Variants in CDH22 observed in about 807,000 individuals in gnomAD.
The protein encoded by CDH22 is cadherin-22.
Under a neutral mutation model 58.4 loss-of-function variants are expected in CDH22, and 30 were observed. The observed-to-expected ratio is 0.51, with a 90% CI of 0.38 to 0.70. The LOEUF (loss-of-function observed/expected upper bound fraction) is 0.70. CDH22 is among the 30% of genes least tolerant of loss of function. The probability of loss-of-function intolerance (pLI) is 0.00; values close to 1 mark genes in which losing one functional copy is unlikely to be tolerated. For synonymous variants in CDH22, 513 were observed against 558.2 expected, an observed-to-expected ratio of 0.92 and a Z score of 1.14; for missense variants, 1,014 against 1,233.9, an observed-to-expected ratio of 0.82 and a Z score of 2.67.
chr20:46,197,974 G>A (rs1456411166), intron 8 of CDH22, among the ~76,000 whole-genome samples: 3 of 152,222 alleles, frequency 2.0e-5, no homozygotes, highest in Non-Finnish European at 4.4e-5. Context: ...GGGCAGAGGC[G>A]AGTTTGAATG....
intron 8 of CDH22, among the ~76,000 whole-genome samples, chr20:46,197,558 C>T (rs1208434285): frequency 6.6e-6 from 1 of 152,002 alleles, no homozygotes; most frequent in African/African-American, 2.4e-5. Context: ...AGGAGGCATC[C>T]CTGCCCAGCA....
At chr20:46,278,350 C>T (rs3746815) in intron 1 of CDH22, among the ~76,000 whole-genome samples, 46,764 of 152,046 alleles carry the variant, frequency 0.31, 7,347 homozygotes, top group East Asian at 0.43. Context: ...GAGTCCTCCC[C>T]ACCTCTGCCC....
intron 3 of CDH22, among the ~76,000 whole-genome samples, chr20:46,233,982 G>A (rs1427650153): frequency 2.0e-5 from 3 of 152,224 alleles, no homozygotes; most frequent in South Asian, 2.1e-4. Flanking sequence ...AGCTACAGAC[G>A]GGACAATTGG....
At chr20:46,194,735 T>C (rs543287749) in intron 8 of CDH22, among the ~76,000 whole-genome samples, 2 of 152,204 alleles carry the variant, frequency 1.3e-5, no homozygotes, top group African/African-American at 4.8e-5. Flanking sequence ...GCTATTATTA[T>C]TAATTATTTT....
intron 1 of CDH22, among the ~76,000 whole-genome samples, chr20:46,268,936 C>T (rs2086474706): frequency 6.6e-6 from 1 of 152,230 alleles, no homozygotes; most frequent in Admixed American, 6.5e-5. Flanking sequence ...TCCCCAGCTG[C>T]TGCTTTTGGA....
chr20:46,174,532 C>T lies in CDH22; in HGVS notation c.2461G>A (p.Gly821Arg). The part of the protein sequence containing the change: ...PLAALYAGHR[G>R]DDEAQAS ...TAGGAGGCCTGGGCCTCGTCGTCCCCGCGGTGGCCGGCGTAGAGCGCGGCC... is the reference window on the plus strand; with the variant it reads ...TAGGAGGCCTGGGCCTCGTCGTCCCTGCGGTGGCCGGCGTAGAGCGCGGCC... Residue 821 changes from glycine to arginine, a missense_variant, in exon 12 of 12, where the codon GGG (glycine) becomes AGG (arginine). Physicochemically the swap from Gly to Arg is moderately radical, Grantham distance 125 (BLOSUM62 -2). Coordinates refer to ENST00000537909, the MANE Select transcript of CDH22 (RefSeq NM_021248.3). The surrounding 1 kb of genome is among the most constrained non-coding windows in gnomAD (Gnocchi z 4.4). 6.6e-7 allele frequency: 1 copy of T among 1,517,774 alleles called. No individual in the cohort carries two copies. Among genetic ancestry groups the T allele is most frequent in the Non-Finnish European group, 8.8e-7 (1 of 1,139,182 alleles). The allele number at this position is 1,517,774 out of a possible 1,614,324, so 94.0% of individuals were successfully genotyped here.
intron 1 of CDH22, among the ~76,000 whole-genome samples, chr20:46,290,897 C>A (rs1391750209): frequency 6.6e-6 from 1 of 152,150 alleles, no homozygotes. Context: ...AGTCAGAGAG[C>A]TGCAGAGAGA....
At chr20:46,219,431 C>G (rs1041611168) in intron 4 of CDH22, among the ~76,000 whole-genome samples, 1 of 152,218 alleles carries the variant, frequency 6.6e-6, no homozygotes, top group Non-Finnish European at 1.5e-5. Context: ...ACTTAAATGA[C>G]AGGATTTCTC....
At chr20:46,189,315 T>G (rs1390401408) in intron 8 of CDH22, among the ~76,000 whole-genome samples, 1 of 152,004 alleles carries the variant, frequency 6.6e-6, no homozygotes, top group Non-Finnish European at 1.5e-5. Flanking sequence ...TTTTTAAGAG[T>G]GCGTTGCCGG....
intron 8 of CDH22, among the ~76,000 whole-genome samples, chr20:46,189,002 G>A (rs939391123): frequency 5.9e-5 from 9 of 152,144 alleles, no homozygotes; most frequent in African/African-American, 1.7e-4. Context: ...GGGACTGGTC[G>A]GCTGCCTCCT....
intron 1 of CDH22, among the ~76,000 whole-genome samples, chr20:46,293,344 T>C (rs1412631690): frequency 6.6e-6 from 1 of 152,180 alleles, no homozygotes; most frequent in Non-Finnish European, 1.5e-5. Flanking sequence ...CTGACCTGCA[T>C]CTCCGTGTGT....
chr20:46,232,370 T>C (rs1568667404), intron 3 of CDH22, among the ~76,000 whole-genome samples: 1 of 152,152 alleles, frequency 6.6e-6, no homozygotes, highest in Non-Finnish European at 1.5e-5. Flanking sequence ...CCCAATCTGA[T>C]TGGGCCTCAG....
chr20:46,258,263 G>C (rs924917192), intron 1 of CDH22, among the ~76,000 whole-genome samples: 2 of 152,098 alleles, frequency 1.3e-5, no homozygotes, highest in African/African-American at 4.8e-5. Flanking sequence ...TCCCTCTTGG[G>C]ATTTGTGAAG....
chr20:46,179,895 C>T (rs1176573720), intron 10 of CDH22, among the ~76,000 whole-genome samples: 1 of 152,216 alleles, frequency 6.6e-6, no homozygotes, highest in Non-Finnish European at 1.5e-5. Context: ...CCTGCCTTTC[C>T]TCATAAAGTT....
chr20:46,294,698 C>G (rs1343077967), intron 1 of CDH22, among the ~76,000 whole-genome samples: 1 of 152,130 alleles, frequency 6.6e-6, no homozygotes, highest in African/African-American at 2.4e-5. Context: ...CCAACCTCTG[C>G]TGGGGTGGGT....
At chr20:46,254,849 C>T (rs1477065452) in intron 1 of CDH22, among the ~76,000 whole-genome samples, 2 of 151,948 alleles carry the variant, frequency 1.3e-5, no homozygotes, top group African/African-American at 4.8e-5. Flanking sequence ...GAGGGAACAG[C>T]ATGCAAAGGT....
chr20:46,208,989 T>C (rs1322084654), intron 7 of CDH22, among the ~76,000 whole-genome samples: 3 of 152,314 alleles, frequency 2.0e-5, no homozygotes, highest in South Asian at 2.1e-4. Flanking sequence ...GGTGAACAAA[T>C]AGACGTAAAT....
chr20:46,295,181 C>A (rs1568685359), intron 1 of CDH22, among the ~76,000 whole-genome samples: 1 of 152,230 alleles, frequency 6.6e-6, no homozygotes, highest in Non-Finnish European at 1.5e-5. Flanking sequence ...GCCGCCTCTC[C>A]ATGCAACGTC....
chr20:46,272,963 AT>A (rs2086499734), intron 1 of CDH22, among the ~76,000 whole-genome samples: 1 of 152,196 alleles, frequency 6.6e-6, no homozygotes, highest in African/African-American at 2.4e-5. Flanking sequence ...GGGTGTTACC[AT>A]TCTGTGATTA....
Sources: gnomAD v4.1 joint callset for allele counts (sites outside exome capture counted in the v4.1 genomes callset) on GRCh38, gnomAD v4.1.1 for gene constraint, Gnocchi (gnomAD v3.1) non-coding constraint, MANE v1.5 for transcripts, NCBI Gene and HGNC (gene_info 2026-07-23, HGNC 2026-07-21) for gene names.